Variants in ANXA7 observed in about 807,000 individuals in gnomAD.
ANXA7 encodes the protein annexin VII.
Under a neutral mutation model 64.9 loss-of-function variants are expected in ANXA7, and 55 were observed. The observed-to-expected ratio is 0.85, with a 90% confidence interval of 0.68 to 1.06. The LOEUF is 1.06. ANXA7 is among the 50% of genes least tolerant of loss of function. ANXA7 has a pLI of 0.00. For synonymous variants in ANXA7, 200 were observed against 192.4 expected (o/e 1.04, Z -0.33); for missense variants, 548 against 582.1 (o/e 0.94, Z 0.60).
intron 9 of ANXA7, among the ~76,000 whole-genome samples, chr10:73,380,458 C>T (rs573534006): frequency 4.6e-4 from 70 of 152,106 alleles, no homozygotes; most frequent in South Asian, 1.9e-3. Context: ...TTTGTAGAGA[C>T]AGCATGTCTC....
intron 4 of ANXA7, 65 bp from the exon 5 acceptor site, chr10:73,396,648 C>A: frequency 1.0e-6 from 1 of 968,976 alleles, no homozygotes; most frequent in Non-Finnish European, 1.6e-6. Flanking sequence ...TTTTTCAAAA[C>A]AGCATTGATG....
chr10:73,397,261 T>C lies in ANXA7; in HGVS notation c.273A>G (p.Gln91=). 1 of 1,611,516 alleles carries C rather than the reference T, an allele frequency of 6.2e-7. No homozygotes were observed. Among genetic ancestry groups the C allele is most frequent in the South Asian group, 1.1e-5 (1 of 90,666 alleles). The change falls in exon 4 of 13, where the codon CAA becomes CAG. Residue 91 remains glutamine (Q), a synonymous_variant. Transcript: ENST00000372921. The part of the protein sequence containing the change: ...APSYPGVPPG[Q]GFGVPPGGAG... ...CTCCACCTGGTGGGACTCCAAATCC[T>C]TGGCCTGGAGGAACTAGAGAAAAGA...
chr10:73,383,015 A>G (rs1460238316), intron 9 of ANXA7, among the ~76,000 whole-genome samples, 160 bp downstream of exon 9: 1 of 152,234 alleles, frequency 6.6e-6, no homozygotes, highest in Non-Finnish European at 1.5e-5. Flanking sequence ...CTCAATAGTA[A>G]CTACAAAGAA....
intron 7 of ANXA7, among the ~76,000 whole-genome samples, chr10:73,385,374 G>T (rs1393454638): frequency 1.3e-5 from 2 of 152,162 alleles, no homozygotes; most frequent in African/African-American, 4.8e-5. Flanking sequence ...TAGTTAAGAG[G>T]TAATAAAGTC....
intron 11 of ANXA7, among the ~76,000 whole-genome samples, chr10:73,379,331 AC>A (rs1269379370): frequency 6.6e-6 from 1 of 152,116 alleles, no homozygotes; most frequent in Non-Finnish European, 1.5e-5. Flanking sequence ...CCCTGGCCCA[AC>A]ATTCCATTGT....
In ANXA7 at chr10:73,387,730, T is replaced by G; in HGVS notation, c.592A>C (p.Arg198=). Reference sequence around the variant, plus strand: ...TTAAATGCTGCTTTAATTTTTTGCCTCTGATCATTGGAACGGTTGGCCACC... The same window carrying G: ...TTAAATGCTGCTTTAATTTTTTGCCGCTGATCATTGGAACGGTTGGCCACC... ...DVVANRSNDQ[R]QKIKAAFKTS... Residue 198 remains arginine, a synonymous_variant, in exon 7 of 13, where the codon AGG becomes CGG. Coordinates refer to ENST00000372921, the MANE Select transcript of ANXA7 (RefSeq NM_001156.5). 1 of 1,614,084 alleles carries G rather than the reference T, an allele frequency of 6.2e-7. No homozygotes were observed. Among genetic ancestry groups the G allele is most frequent in the Non-Finnish European group, 8.5e-7 (1 of 1,179,998 alleles).
chr10:73,400,619 G>A (rs2055645899), intron 2 of ANXA7, among the ~76,000 whole-genome samples, 184 bp downstream of exon 2: 1 of 152,190 alleles, frequency 6.6e-6, no homozygotes, highest in Admixed American at 6.5e-5. Flanking sequence ...GCACCTGCCA[G>A]CTTTCAATAG....
chr10:73,395,620 C>A (rs1234541412), intron 5 of ANXA7, among the ~76,000 whole-genome samples: 4 of 151,978 alleles, frequency 2.6e-5, no homozygotes, highest in Non-Finnish European at 5.9e-5. Flanking sequence ...CCTGTCTCTA[C>A]TAAAAATACA....
At chr10:73,395,539 T>C (rs1045100615) in intron 5 of ANXA7, among the ~76,000 whole-genome samples, 8 of 152,126 alleles carry the variant, frequency 5.3e-5, no homozygotes, top group Non-Finnish European at 8.8e-5. Context: ...ATCCCAGCTC[T>C]TTGGGAGGCC....
intron 1 of ANXA7, among the ~76,000 whole-genome samples, chr10:73,411,081 G>GTA (rs2055831055): frequency 6.6e-6 from 1 of 152,288 alleles, no homozygotes; most frequent in South Asian, 2.1e-4. Flanking sequence ...AGAAAATGTG[G>GTA]TATATATAAA....
At chr10:73,395,149 G>C (rs943785255) in intron 5 of ANXA7, among the ~76,000 whole-genome samples, 7 of 152,210 alleles carry the variant, frequency 4.6e-5, no homozygotes, top group Non-Finnish European at 8.8e-5. Flanking sequence ...CGCTGGTCTA[G>C]AAGGCAGAAG....
In ANXA7 at chr10:73,388,397, C is replaced by G; in HGVS notation, c.453G>C (p.Gln151His). ...TYPSQPATVT[Q>H]VTQGTIRPAA... ...CTGGTCGGATAGTTCCTTGAGTGAC[C>G]TGAGTCACTGTGGCAGGCTGAAAAT... is the stretch of plus-strand genomic sequence containing the variant. The change falls in exon 6 of 13, where the codon CAG becomes CAC. Residue 151 changes from glutamine (Q) to histidine (H), a missense_variant. Gln to His is a conservative substitution (Grantham distance 24). Transcript: ENST00000372921. The G allele has an allele frequency of 2.5e-6, 4 of 1,612,442 alleles. No individual in the cohort carries two copies. The highest frequency in any genetic ancestry group is 3.4e-6 in the Non-Finnish European group (4 of 1,178,606).
At chr10:73,389,252 A>C (rs972210495) in intron 5 of ANXA7, among the ~76,000 whole-genome samples, 1 of 152,202 alleles carries the variant, frequency 6.6e-6, no homozygotes, top group African/African-American at 2.4e-5. Context: ...AAAATAACTG[A>C]CAGTGTTCTT....
Position 73,380,217 on chromosome 10 carries a change from G to A in ANXA7, c.919-16C>T, listed in dbSNP as rs1391455180. ...CACGATTTCCCTGCAAAAGAGAAAGGCAGGAATTGGAAGAAATAAATAATA... is the reference window on the plus strand; with the variant it reads ...CACGATTTCCCTGCAAAAGAGAAAGACAGGAATTGGAAGAAATAAATAATA... On this transcript the variant is annotated splice_polypyrimidine_tract_variant and intron_variant, in intron 9 of 12. Coordinates refer to ENST00000372921, the MANE Select transcript of ANXA7 (RefSeq NM_001156.5). 1 of 1,593,208 alleles carries A rather than the reference G, an allele frequency of 6.3e-7. No individual in the cohort carries two copies. Among genetic ancestry groups the A allele is most frequent in the Admixed American group, 1.9e-5 (1 of 53,696 alleles).
rs187867139 is a variant in ANXA7, at chr10:73,391,492, G to A, written c.436-3078C>T. On this transcript the variant is annotated intron_variant, in intron 5 of 12. Transcript: ENST00000372921. ...GTGGGCATGCTGGTGCACAACTATA[G>A]TCCCAGTTACTCAGGAGGCTGATGC... Among the ~76,000 whole-genome samples, 21 of 151,486 alleles carry A rather than the reference G, an allele frequency of 1.4e-4. No individual in the cohort carries two copies. In the East Asian group the frequency reaches 4.1e-3, roughly 29 times the overall value.
intron 3 of ANXA7, 102 bp downstream of exon 3, chr10:73,398,079 C>T: frequency 8.2e-7 from 1 of 1,212,874 alleles, no homozygotes; most frequent in South Asian, 1.6e-5. Context: ...CTAAGAGCGA[C>T]TTGACCTTAT....
intron 5 of ANXA7, among the ~76,000 whole-genome samples, chr10:73,390,534 C>G (rs1478921476): frequency 1.3e-5 from 2 of 151,716 alleles, no homozygotes; most frequent in Non-Finnish European, 2.9e-5. Flanking sequence ...ATTTTATAAG[C>G]CTTCATGTCT....
At chr10:73,383,824 C>T (rs772444819) in intron 7 of ANXA7, 134 bp from the exon 8 acceptor site, 14 of 666,770 alleles carry the variant, frequency 2.1e-5, no homozygotes, top group Non-Finnish European at 5.2e-6. Context: ...TGTTAATATA[C>T]TAAGAAGTAA....
intron 7 of ANXA7, among the ~76,000 whole-genome samples, chr10:73,386,794 A>G (rs1036674267): frequency 1.3e-5 from 2 of 152,114 alleles, no homozygotes; most frequent in Non-Finnish European, 2.9e-5. Flanking sequence ...CAGCCTCCCA[A>G]GCAGCTGGGA....
Sources: gnomAD v4.1 joint callset for allele counts (sites outside exome capture counted in the v4.1 genomes callset) on GRCh38, gnomAD v4.1.1 for gene constraint, MANE v1.5 for transcripts, NCBI Gene and HGNC (gene_info 2026-07-23, HGNC 2026-07-21) for gene names.